HSPA12A: variants seen among roughly 807,000 people sequenced by gnomAD.
HSPA12A encodes heat shock protein family A (Hsp70) member 12A.
Under a neutral mutation model 69.2 loss-of-function variants are expected in HSPA12A, and 28 were observed. The ratio of observed to expected loss-of-function variants is 0.40; its 90% CI spans 0.30 to 0.55. The LOEUF (loss-of-function observed/expected upper bound fraction) is 0.55, where lower values mean the gene tolerates loss of function less well. Ranked by LOEUF, HSPA12A falls within the 20% of genes least tolerant of loss-of-function variation. The probability of loss-of-function intolerance (pLI) is 0.38; values close to 1 mark genes in which losing one functional copy is unlikely to be tolerated. For missense variants in HSPA12A, 686 were observed against 900.7 expected (o/e 0.76, Z 3.05); for synonymous variants, 345 against 370.5 (o/e 0.93, Z 0.79).
intron 1 of HSPA12A, among the ~76,000 whole-genome samples, chr10:116,720,764 C>T (rs1319019735): frequency 6.6e-6 from 1 of 152,222 alleles, no homozygotes; most frequent in Non-Finnish European, 1.5e-5. Flanking sequence ...CTAGCCAGGT[C>T]CTGGGCAGGG....
intron 2 of HSPA12A, among the ~76,000 whole-genome samples, chr10:116,822,902 G>A (rs997139450): frequency 2.0e-5 from 3 of 152,178 alleles, no homozygotes; most frequent in African/African-American, 7.2e-5. Context: ...TGGCACCCAA[G>A]AGCTACTTGC....
At chr10:116,716,500 T>G (rs1589655817) in intron 1 of HSPA12A, among the ~76,000 whole-genome samples, 1 of 152,024 alleles carries the variant, frequency 6.6e-6, no homozygotes, top group Admixed American at 6.6e-5. Flanking sequence ...GTGCTCCTGT[T>G]GGGGACAAGG....
At chr10:116,706,469 G>A (rs1223788309) in intron 2 of HSPA12A, among the ~76,000 whole-genome samples, 7 of 152,110 alleles carry the variant, frequency 4.6e-5, no homozygotes, top group African/African-American at 7.2e-5. Flanking sequence ...TGTAAAGGCC[G>A]GACAGTTCCA....
chr10:116,805,584 CG>C (rs1215298937), intron 2 of HSPA12A, among the ~76,000 whole-genome samples: 3 of 151,856 alleles, frequency 2.0e-5, no homozygotes, highest in East Asian at 3.9e-4. Flanking sequence ...TGATGTTGGG[CG>C]GGGGGGTACT....
intron 2 of HSPA12A, among the ~76,000 whole-genome samples, chr10:116,816,358 C>T (rs547864043): frequency 6.6e-6 from 1 of 152,388 alleles, no homozygotes; most frequent in Admixed American, 6.5e-5. Context: ...GGCCTGGTCT[C>T]TGGCACCCCG....
At chr10:116,769,895 C>T (rs1157187975) in intron 2 of HSPA12A, among the ~76,000 whole-genome samples, 8 of 152,252 alleles carry the variant, frequency 5.3e-5, no homozygotes, top group African/African-American at 1.9e-4. Context: ...AAGTGCAGGC[C>T]TCGGCTCCTT....
upstream of HSPA12A, among the ~76,000 whole-genome samples, chr10:116,743,076 C>CAGGCCGCAGACCA (rs1564805575): frequency 1.5e-5 from 1 of 68,168 alleles, no homozygotes; most frequent in Admixed American, 1.2e-4. Flanking sequence ...GGGCAGGACC[C>CAGGCCGCAGACCA]AGGCCGCAGA....
rs185900559 is a variant in HSPA12A at position 116,800,985 on chromosome 10, A to G, written c.91+33950T>C. On this transcript the variant is annotated intron_variant, in intron 2 of 12. Transcript: ENST00000635765. The stretch of plus-strand genomic sequence containing the variant: ...TTGCTCAGAACTCTGTCCGCCTGCA[A>G]TTTGCTCTGATTCTCTGTCTTTTTG... Among the ~76,000 whole-genome samples the G allele has an allele frequency of 2.3e-3, 355 of 152,318 alleles. 6 individuals carry two copies. The highest frequency in any genetic ancestry group is 3.4e-3 in the Middle Eastern group (1 of 294).
At chr10:116,683,280 C>T (rs965769941) in intron 7 of HSPA12A, among the ~76,000 whole-genome samples, 1 of 152,132 alleles carries the variant, frequency 6.6e-6, no homozygotes, top group African/African-American at 2.4e-5. Flanking sequence ...TCGCCATCCT[C>T]AGTCTCCCTA....
chr10:116,849,848 C>G (rs1846014965), upstream of HSPA12A: 1 of 1,204,062 alleles, frequency 8.3e-7, no homozygotes, highest in Non-Finnish European at 1.2e-6. Context: ...GCCGCCCGGG[C>G]CCTGGGCCTG....
intron 2 of HSPA12A, among the ~76,000 whole-genome samples, chr10:116,794,356 G>T (rs941904571): frequency 3.9e-5 from 6 of 152,248 alleles, no homozygotes; most frequent in Non-Finnish European, 7.4e-5. Flanking sequence ...AGAAAGGTTG[G>T]AAGTAAGAGT....
chr10:116,834,836 A>T (rs1845681009), intron 2 of HSPA12A: 3 of 588,628 alleles, frequency 5.1e-6, no homozygotes, highest in Non-Finnish European at 4.9e-6. Flanking sequence ...TAAACGTCCC[A>T]GTTTTAAACA....
intron 2 of HSPA12A, among the ~76,000 whole-genome samples, chr10:116,797,056 A>G (rs1844842659): frequency 6.6e-6 from 1 of 152,134 alleles, no homozygotes; most frequent in African/African-American, 2.4e-5. Flanking sequence ...CCCCACCAGG[A>G]TGTGATGCAT....
intron 2 of HSPA12A, among the ~76,000 whole-genome samples, chr10:116,760,017 A>G (rs1461831091): frequency 6.6e-6 from 1 of 152,080 alleles, no homozygotes; most frequent in African/African-American, 2.4e-5. Context: ...TTCTTTTGTA[A>G]ATTGCCCAGT....
intron 1 of HSPA12A, among the ~76,000 whole-genome samples, chr10:116,738,779 G>A (rs951164240): frequency 1.3e-5 from 2 of 152,122 alleles, no homozygotes; most frequent in Non-Finnish European, 2.9e-5. Context: ...GTAGGACCTT[G>A]CTAAACAAAG....
intron 6 of HSPA12A, among the ~76,000 whole-genome samples, chr10:116,691,993 C>A (rs1554880187): frequency 6.6e-6 from 1 of 152,256 alleles, no homozygotes; most frequent in Admixed American, 6.5e-5. Context: ...GTTTCCCAAG[C>A]CTTTCCCTTA....
At position 116,836,768 on chromosome 10, in the gene HSPA12A, A is replaced by AACATAC. The variant is rs778091882; in HGVS notation, c.4-1747_4-1746insGTATGT. Among the ~76,000 whole-genome samples, 1,331 of 146,600 alleles carry AACATAC rather than the reference A, an allele frequency of 9.1e-3. 17 individuals carry two copies. Among genetic ancestry groups the AACATAC allele is most frequent in the African/African-American group, 0.03 (1,213 of 40,108 alleles). On this transcript the variant is annotated intron_variant, in intron 1 of 12. Coordinates refer to the HSPA12A transcript ENST00000635765. ...GTGTAGAATTGTGGTAAACGAACCG[A>AACATAC]ACACACACACACACACACACACACA...
intron 10 of HSPA12A, among the ~76,000 whole-genome samples, chr10:116,678,422 A>C (rs903461428): frequency 1.3e-5 from 2 of 151,380 alleles, no homozygotes; most frequent in Non-Finnish European, 2.9e-5. Flanking sequence ...GAGATGAGCA[A>C]AGCCCAGATG....
upstream of HSPA12A, among the ~76,000 whole-genome samples, chr10:116,745,881 G>A (rs1253907488): frequency 6.6e-6 from 1 of 152,014 alleles, no homozygotes; most frequent in Non-Finnish European, 1.5e-5. Context: ...TTGTACAGAT[G>A]ACCAAACTGA....
Sources: gnomAD v4.1 joint callset for allele counts (sites outside exome capture counted in the v4.1 genomes callset) on GRCh38, gnomAD v4.1.1 for gene constraint, MANE v1.5 for transcripts, NCBI Gene and HGNC (gene_info 2026-07-23, HGNC 2026-07-21) for gene names.